Variants in CNTN1 observed in about 807,000 individuals in gnomAD.
CNTN1 encodes the protein contactin 1.
CNTN1 carries 38 observed loss-of-function variants against 126.4 expected under a neutral mutation model. The ratio of observed to expected loss-of-function variants is 0.30; its 90% CI spans 0.23 to 0.39. The LOEUF is 0.39. Ranked by LOEUF, CNTN1 falls within the 10% of genes least tolerant of loss-of-function variation. The pLI, the probability that CNTN1 is intolerant of heterozygous loss-of-function variation, is 1.00. For synonymous variants in CNTN1, 413 were observed against 422.6 expected (o/e 0.98, Z 0.28); for missense variants, 1,009 against 1,248.4 (o/e 0.81, Z 2.89).
At chr12:41,018,055 A>G (rs962011964) in intron 19 of CNTN1, among the ~76,000 whole-genome samples, 2 of 151,412 alleles carry the variant, frequency 1.3e-5, no homozygotes, top group African/African-American at 4.9e-5. Context: ...AGGCCATTGC[A>G]CTCCAGCCTG....
chr12:40,835,837 C>CAT (rs1322048623), intron 1 of CNTN1, among the ~76,000 whole-genome samples: 4 of 146,868 alleles, frequency 2.7e-5, no homozygotes, highest in Non-Finnish European at 6.0e-5. Context: ...CACACACACA[C>CAT]ACAAGTTGGA....
intron 1 of CNTN1, among the ~76,000 whole-genome samples, chr12:40,697,419 A>T (rs1941477691): frequency 6.6e-6 from 1 of 151,992 alleles, no homozygotes; most frequent in Admixed American, 6.6e-5. Flanking sequence ...ATTTCATTTG[A>T]CTCTTTATTG....
At chr12:40,846,996 T>G (rs935622003) in intron 1 of CNTN1, among the ~76,000 whole-genome samples, 1 of 152,108 alleles carries the variant, frequency 6.6e-6, no homozygotes, top group East Asian at 1.9e-4. Context: ...ACCTCCTGAG[T>G]AGCTGGGGTT....
chr12:40,966,155 G>C (rs1947302671), intron 15 of CNTN1, among the ~76,000 whole-genome samples: 1 of 151,874 alleles, frequency 6.6e-6, no homozygotes, highest in African/African-American at 2.4e-5. Flanking sequence ...CAAGTATTTG[G>C]GGCAGAAAAA....
intron 1 of CNTN1, among the ~76,000 whole-genome samples, chr12:40,726,556 G>A (rs1942355760): frequency 6.6e-6 from 1 of 152,102 alleles, no homozygotes; most frequent in Non-Finnish European, 1.5e-5. Context: ...AGAAAAGTGT[G>A]GGGGAAACCA....
chr12:40,813,047 C>CTTTCTTTCTTTCTTTCTTTCT (rs1565773047), intron 1 of CNTN1, among the ~76,000 whole-genome samples: 7 of 106,050 alleles, frequency 6.6e-5, no homozygotes, highest in Non-Finnish European at 9.7e-5. Flanking sequence ...TCCTTTCTTT[C>CTTTCTTTCTTTCTTTCTTTCT]TTTCTTTCTT....
intron 16 of CNTN1, among the ~76,000 whole-genome samples, chr12:40,988,193 T>C (rs1351817550): frequency 6.6e-6 from 1 of 152,134 alleles, no homozygotes; most frequent in Non-Finnish European, 1.5e-5. Flanking sequence ...GTAGGTGCGT[T>C]AGAACCAGTG....
chr12:40,705,146 A>G (rs1270117143), intron 1 of CNTN1, among the ~76,000 whole-genome samples: 4 of 152,190 alleles, frequency 2.6e-5, no homozygotes, highest in Admixed American at 2.6e-4. Flanking sequence ...TATTGACAAT[A>G]CTGGTCCTTT....
At chr12:40,699,560 A>T (rs1316315204) in intron 1 of CNTN1, among the ~76,000 whole-genome samples, 1 of 152,226 alleles carries the variant, frequency 6.6e-6, no homozygotes, top group Non-Finnish European at 1.5e-5. Flanking sequence ...TTACATGGAT[A>T]ATGTCGATGT....
chr12:40,968,147 G>A (rs1168801723), intron 15 of CNTN1, among the ~76,000 whole-genome samples: 1 of 152,048 alleles, frequency 6.6e-6, no homozygotes, highest in Non-Finnish European at 1.5e-5. Context: ...GAAGAACAAG[G>A]TTTGAATGCA....
In CNTN1 at chr12:41,049,340, T is replaced by A. The variant is rs577194077; in HGVS notation, c.2980+20121T>A. ...TTCAGCTGCCTGATTGCTATCTCCA[T>A]TCAGACATCTAATTTAAACTCTTCC... On this transcript the variant is annotated intron_variant, in intron 23 of 23. Transcript: ENST00000551295. 7.9e-5 allele frequency among the ~76,000 whole-genome samples: 12 copies of A among 152,358 alleles called. 1 individual carries two copies. In the South Asian group the frequency reaches 2.5e-3, roughly 32 times the overall value.
intron 1 of CNTN1, among the ~76,000 whole-genome samples, chr12:40,741,416 T>C (rs1937939354): frequency 6.6e-6 from 1 of 152,054 alleles, no homozygotes. Flanking sequence ...GATCCATCCC[T>C]TTTTCTTCCT....
intron 4 of CNTN1, among the ~76,000 whole-genome samples, chr12:40,919,026 T>C (rs867236139): frequency 2.6e-5 from 4 of 152,184 alleles, no homozygotes; most frequent in African/African-American, 4.8e-5. Flanking sequence ...CACTTATAAA[T>C]TGTATAATGG....
At chr12:40,694,022 A>G (rs1019232931) in intron 1 of CNTN1, among the ~76,000 whole-genome samples, 2 of 152,198 alleles carry the variant, frequency 1.3e-5, no homozygotes, top group Non-Finnish European at 2.9e-5. Context: ...AAGTGTACAT[A>G]TGAACCTTAC....
chr12:41,036,016 CAA>C (rs1258818997), intron 23 of CNTN1, among the ~76,000 whole-genome samples: 1 of 151,894 alleles, frequency 6.6e-6, no homozygotes, highest in Non-Finnish European at 1.5e-5. Context: ...TGGAGTGAGA[CAA>C]GAGGGGAGGG....
chr12:40,902,169 C>T (rs183732714), intron 1 of CNTN1, among the ~76,000 whole-genome samples: 2 of 152,266 alleles, frequency 1.3e-5, no homozygotes, highest in East Asian at 1.9e-4. Context: ...CTTTTATGTA[C>T]ATATGCTGCA....
At chr12:41,068,285 A>G (rs1263315487) in intron 23 of CNTN1, among the ~76,000 whole-genome samples, 1 of 152,154 alleles carries the variant, frequency 6.6e-6, no homozygotes, top group Non-Finnish European at 1.5e-5. Flanking sequence ...TAATCTACAT[A>G]ATGAGCCAAC....
intron 1 of CNTN1, among the ~76,000 whole-genome samples, chr12:40,777,503 A>G (rs1939635778): frequency 6.6e-6 from 1 of 151,804 alleles, no homozygotes; most frequent in Non-Finnish European, 1.5e-5. Context: ...GGGTCAGCAC[A>G]GGATGAGTAC....
intron 1 of CNTN1, among the ~76,000 whole-genome samples, chr12:40,838,179 C>T (rs950316022): frequency 1.3e-5 from 2 of 152,320 alleles, no homozygotes; most frequent in African/African-American, 4.8e-5. Context: ...ATTTACCACT[C>T]TGGAACCAGA....
Sources: allele counts gnomAD v4.1 joint callset (sites outside exome capture counted in the v4.1 genomes callset), GRCh38; gene constraint gnomAD v4.1.1; transcripts MANE v1.5; gene names NCBI Gene and HGNC (gene_info 2026-07-23, HGNC 2026-07-21).